The following PODXL variants were observed in gnomAD, a reference collection of about 807,000 sequenced individuals.
PODXL encodes podocalyxin like.
PODXL carries 20 observed loss-of-function variants against 48.9 expected under a neutral mutation model. That is an observed-to-expected ratio of 0.41 (90% CI 0.29 to 0.59). PODXL has a LOEUF of 0.59. PODXL is among the 20% of genes least tolerant of loss of function. The pLI, the probability that PODXL is intolerant of heterozygous loss-of-function variation, is 0.31. For missense variants in PODXL, 606 were observed against 675.1 expected (o/e 0.90, Z 1.13); for synonymous variants, 295 against 287.4 (o/e 1.03, Z -0.27).
In PODXL at chr7:131,511,405, G is replaced by T. The variant is rs79508494; in HGVS notation, c.129C>A (p.Asn43Lys). The T allele has an allele frequency of 3.7e-6, 6 of 1,602,162 alleles. No individual in the cohort carries two copies. Among genetic ancestry groups the T allele is most frequent in the Non-Finnish European group, 5.1e-6 (6 of 1,179,910 alleles). The change falls in exon 2 of 9, where the codon AAC becomes AAA. Residue 43 changes from asparagine to lysine, a missense_variant. Transcript: ENST00000378555. ...NATQTTTDSS[N>K]KTAPTPASSV... is the part of the protein sequence containing the mutation. The stretch of plus-strand genomic sequence containing the variant: ...TGGATGCTGGAGTCGGTGCTGTTTT[G>T]TTAGATGAGTCCGTAGTAGTCTGGG...
chr7:131,545,542 T>C (rs969169832), intron 1 of PODXL, among the ~76,000 whole-genome samples: 2 of 152,204 alleles, frequency 1.3e-5, no homozygotes, highest in African/African-American at 2.4e-5. Context: ...TGGGGAAACA[T>C]GAGTGTTTCA....
Position 131,509,356 on chromosome 7 carries a change from T to G in PODXL, c.1023+9A>C, listed in dbSNP as rs1797869715. 2 of 1,608,216 alleles carry G rather than the reference T, an allele frequency of 1.2e-6. No homozygotes were observed. The highest frequency in any genetic ancestry group is 1.7e-6 in the Non-Finnish European group (2 of 1,174,654). On this transcript the variant is annotated intron_variant, in intron 4 of 8. Transcript: ENST00000378555. ...GTTCTCCTACTTGCCCCACCCCTGC[T>G]GGAGTTACCCAGTTACTCTCATGAG... is the stretch of plus-strand genomic sequence containing the variant.
chr7:131,506,831 A>G, intron 5 of PODXL, 105 bp from the exon 6 acceptor site: 1 of 1,245,458 alleles, frequency 8.0e-7, no homozygotes, highest in Non-Finnish European at 1.1e-6. Context: ...TTGCTGTGCT[A>G]GAACCTGCCT....
Position 131,504,292 on chromosome 7 carries a change from A to G in PODXL, c.*19T>C, listed in dbSNP as rs953141323. On this transcript the variant is annotated 3_prime_UTR_variant, in exon 9 of 9. Coordinates refer to ENST00000378555, the MANE Select transcript of PODXL (RefSeq NM_001018111.3). Reference sequence around the variant, plus strand: ...GTCTGGAGCTCTGTGGTGCTGCTGGAGGCCACCGGCAGACCGGACTAGAGG... The same window carrying G: ...GTCTGGAGCTCTGTGGTGCTGCTGGGGGCCACCGGCAGACCGGACTAGAGG... 6.2e-7 allele frequency: 1 copy of G among 1,609,868 alleles called. No individual in the cohort carries two copies. The highest frequency in any genetic ancestry group is 1.7e-5 in the Admixed American group (1 of 59,952).
rs1049354162 is a variant in PODXL at position 131,501,452 on chromosome 7, G to T, written c.*2859C>A. On this transcript the variant is annotated 3_prime_UTR_variant, in exon 9 of 9. Coordinates refer to ENST00000378555, the MANE Select transcript of PODXL (RefSeq NM_001018111.3). ...AAGAAGTGGTTTAAATAAACTTTCT[G>T]CTAGCTTTCCTTATCAAGCGGGAAA... 1 of 152,598 alleles carries T rather than the reference G, an allele frequency of 6.6e-6. No homozygotes were observed. The highest frequency in any genetic ancestry group is 1.5e-5 in the Non-Finnish European group (1 of 68,032). 9.5% of individuals were successfully genotyped at this position (152,598 alleles called of 1,614,324 possible).
At chr7:131,510,119 A>C in intron 3 of PODXL, 117 bp downstream of exon 3, 1 of 392,928 alleles carries the variant, frequency 2.5e-6, no homozygotes, top group Non-Finnish European at 5.0e-6. Context: ...CCATGATCCT[A>C]AGGCTCTTGA....
At chr7:131,541,865 G>C (rs115265715) in intron 1 of PODXL, among the ~76,000 whole-genome samples, 1 of 152,072 alleles carries the variant, frequency 6.6e-6, no homozygotes, top group Non-Finnish European at 1.5e-5. Flanking sequence ...GTTTCCTATG[G>C]GCACCGCCTA....
At chr7:131,538,955 A>G (rs555788931) in intron 1 of PODXL, among the ~76,000 whole-genome samples, 15 of 152,308 alleles carry the variant, frequency 9.8e-5, no homozygotes, top group South Asian at 8.3e-4. Flanking sequence ...GCAGCAGACC[A>G]TGTGAATCCT....
chr7:131,537,332 C>G (rs1256999036), intron 1 of PODXL, among the ~76,000 whole-genome samples: 1 of 150,636 alleles, frequency 6.6e-6, no homozygotes, highest in African/African-American at 2.4e-5. Flanking sequence ...AAGCCAAGCA[C>G]GGTGGCTCAC....
chr7:131,532,102 C>CA (rs1798288356), intron 1 of PODXL, among the ~76,000 whole-genome samples: 1 of 111,514 alleles, frequency 9.0e-6, no homozygotes, highest in Admixed American at 8.6e-5. Flanking sequence ...AACTCCATCT[C>CA]AAAATAATAA....
rs1434311394 is a variant in PODXL, at chr7:131,501,350, A to G, written c.*2961T>C. On this transcript the variant is annotated 3_prime_UTR_variant, in exon 9 of 9. Coordinates refer to ENST00000378555, the MANE Select transcript of PODXL (RefSeq NM_001018111.3). ...ATGGTCACTGTATTTACATTATCAA[A>G]AAAATATGTGTATATGTATCAGTTT... is the stretch of plus-strand genomic sequence containing the variant. 2.0e-5 allele frequency: 3 copies of G among 152,392 alleles called. No homozygotes were observed. The highest frequency in any genetic ancestry group is 2.0e-4 in the Admixed American group (3 of 15,246). 9.4% of individuals were successfully genotyped at this position (152,392 alleles called of 1,614,324 possible).
chr7:131,519,014 T>C (rs999435869), intron 1 of PODXL, among the ~76,000 whole-genome samples: 4 of 152,216 alleles, frequency 2.6e-5, no homozygotes, highest in African/African-American at 9.6e-5. Context: ...TGATTCTCCA[T>C]TGCTGTTCCT....
chr7:131,503,506 C>G lies in PODXL; in HGVS notation c.*805G>C, dbSNP rs1053156653. ...ATACCAGCCTGGACTCGAGTGTCCC[C>G]TTCTCTCCTCACCTGCACGCAGGTC... On this transcript the variant is annotated 3_prime_UTR_variant, in exon 9 of 9. Transcript: ENST00000378555. 1 of 152,344 alleles carries G rather than the reference C, an allele frequency of 6.6e-6. No individual in the cohort carries two copies. Among genetic ancestry groups the G allele is most frequent in the Non-Finnish European group, 1.5e-5 (1 of 68,154 alleles). The allele number at this position is 152,344 out of a possible 1,614,324, so 9.4% of individuals were successfully genotyped here. A position where few individuals can be genotyped will look rare whatever the true frequency, so the allele number is the denominator to read the frequency against.
In PODXL at chr7:131,544,428, C is replaced by T. The variant is rs562103523; in HGVS notation, c.100+11832G>A. Among the ~76,000 whole-genome samples the T allele has an allele frequency of 8.5e-4, 130 of 152,312 alleles. 1 individual carries two copies. In the South Asian group the frequency reaches 8.9e-3, roughly 10 times the overall value. On this transcript the variant is annotated intron_variant, in intron 1 of 8. Coordinates refer to ENST00000378555, the MANE Select transcript of PODXL (RefSeq NM_001018111.3). ...ATCCCCATAGGATGCCGTGGGTGAACGAAAGGCCAGGACGGCTCCCACCCT... is the reference window on the plus strand; with the variant it reads ...ATCCCCATAGGATGCCGTGGGTGAATGAAAGGCCAGGACGGCTCCCACCCT...
chr7:131,524,083 G>A (rs934592872), intron 1 of PODXL, among the ~76,000 whole-genome samples: 1 of 152,146 alleles, frequency 6.6e-6, no homozygotes, highest in Non-Finnish European at 1.5e-5. Context: ...ACAGGCGTGA[G>A]CCACTGCACC....
intron 1 of PODXL, among the ~76,000 whole-genome samples, chr7:131,521,366 C>G (rs1410894254): frequency 6.8e-6 from 1 of 146,910 alleles, no homozygotes. Flanking sequence ...CGGAGTCTCA[C>G]TCTGTCACCC....
intron 1 of PODXL, among the ~76,000 whole-genome samples, chr7:131,524,990 A>G (rs1798157284): frequency 6.6e-6 from 1 of 152,200 alleles, no homozygotes; most frequent in Admixed American, 6.5e-5. Flanking sequence ...AAAAGTCTGC[A>G]CAGCATTTGA....
intron 1 of PODXL, among the ~76,000 whole-genome samples, chr7:131,549,358 G>A (rs1798633312): frequency 6.6e-6 from 1 of 152,150 alleles, no homozygotes; most frequent in African/African-American, 2.4e-5. Context: ...TCATGCAAAG[G>A]CAGGCTACCC....
chr7:131,527,927 G>A (rs370638442), intron 1 of PODXL, among the ~76,000 whole-genome samples: 1 of 142,854 alleles, frequency 7.0e-6, no homozygotes, highest in African/African-American at 2.7e-5. Context: ...TTTTTGAGAG[G>A]GAGTCTTGCT....
Sources: gnomAD v4.1 joint callset for allele counts (sites outside exome capture counted in the v4.1 genomes callset) on GRCh38, gnomAD v4.1.1 for gene constraint, MANE v1.5 for transcripts, NCBI Gene and HGNC (gene_info 2026-07-23, HGNC 2026-07-21) for gene names.